LSM12: variants seen among roughly 807,000 people sequenced by gnomAD.
LSM12 encodes the protein protein LSM12.
For synonymous variants in LSM12, 74 were observed against 87.3 expected (o/e 0.85, Z 0.85); for missense variants, 108 against 238.9 (o/e 0.45, Z 3.61).
chr17:44,062,609 G>A (rs535107321), intron 2 of LSM12, among the ~76,000 whole-genome samples: 24 of 152,158 alleles, frequency 1.6e-4, no homozygotes, highest in South Asian at 6.2e-4. Flanking sequence ...ACTTAGGGCC[G>A]GGCATGGTGG....
chr17:44,050,908 G>A (rs1249293621), intron 2 of LSM12, among the ~76,000 whole-genome samples: 1 of 152,140 alleles, frequency 6.6e-6, no homozygotes, highest in African/African-American at 2.4e-5. Flanking sequence ...ATAGGCGGGT[G>A]GATACTTTGA....
In LSM12 at chr17:44,042,027, C is replaced by T. The variant is rs866881327; in HGVS notation, c.259-1771G>A. On this transcript the variant is annotated intron_variant, in intron 2 of 4. Transcript: ENST00000293406. Reference sequence around the variant, plus strand: ...ACTGGCTGGGCCCAGTGGCTCACGCCTATAATCCCAGTACTTTGTGAGGCC... The same window carrying T: ...ACTGGCTGGGCCCAGTGGCTCACGCTTATAATCCCAGTACTTTGTGAGGCC... Among the ~76,000 whole-genome samples the T allele has an allele frequency of 8.1e-4, 123 of 152,334 alleles. 1 individual carries two copies. The highest frequency in any genetic ancestry group is 6.8e-3 in the Middle Eastern group (2 of 294).
chr17:44,050,059 G>A (rs1358009205), intron 2 of LSM12, among the ~76,000 whole-genome samples: 1 of 152,194 alleles, frequency 6.6e-6, no homozygotes, highest in African/African-American at 2.4e-5. Flanking sequence ...TGTTCCCTAT[G>A]TTTTGAATCT....
intron 2 of LSM12, among the ~76,000 whole-genome samples, chr17:44,050,818 G>A (rs1403788455): frequency 2.0e-5 from 3 of 151,846 alleles, no homozygotes; most frequent in African/African-American, 7.3e-5. Flanking sequence ...ACCGCGCCCA[G>A]TGTGCCTGAA....
intron 1 of LSM12, 32 bp downstream of exon 1, chr17:44,066,432 C>T (rs1221786202): frequency 3.9e-6 from 6 of 1,545,164 alleles, no homozygotes; most frequent in Non-Finnish European, 5.2e-6. Flanking sequence ...TACACGCCGG[C>T]CCGGACTCGG....
intron 2 of LSM12, among the ~76,000 whole-genome samples, chr17:44,063,538 C>G (rs557075740): frequency 1.3e-5 from 2 of 152,276 alleles, no homozygotes; most frequent in East Asian, 3.9e-4. Context: ...TCATCATGAA[C>G]TCCAAGATTT....
rs530128696 is a variant in LSM12 at position 44,062,206 on chromosome 17, A to G, written c.258+1595T>C. 5.7e-5 allele frequency among the ~76,000 whole-genome samples: 8 copies of G among 139,852 alleles called. No individual in the cohort carries two copies. The South Asian group carries it at 2.0e-3, about 35-fold the overall frequency. The allele number at this position is 139,852 out of a possible 152,430, so 91.7% of individuals were successfully genotyped here. A position where few individuals can be genotyped will look rare whatever the true frequency, so the allele number is the denominator to read the frequency against. On this transcript the variant is annotated intron_variant, in intron 2 of 4. Coordinates refer to ENST00000293406, the MANE Select transcript of LSM12 (RefSeq NM_001371445.1). The stretch of plus-strand genomic sequence containing the variant: ...CACTGCACTCCAGCCTGGGCGACAA[A>G]GCGAGACTCCGTCTCAAAAAAAAAA...
At position 44,037,264 on chromosome 17, in the gene LSM12, A is replaced by T. The variant is rs533140200; in HGVS notation, c.495+148T>A. 5.4e-6 allele frequency: 5 copies of T among 929,842 alleles called. No individual in the cohort carries two copies. The Admixed American group carries it at 1.5e-4, about 28-fold the overall frequency. The allele number at this position is 929,842 out of a possible 1,614,324, so 57.6% of individuals were successfully genotyped here. ...CATTCCCACAGGACTGCAGAACCCC[A>T]CAGTACAGGGAAGGCAGGGAGGCCA... On this transcript the variant is annotated intron_variant, in intron 4 of 4. Coordinates refer to ENST00000293406, the MANE Select transcript of LSM12 (RefSeq NM_001371445.1).
intron 1 of LSM12, among the ~76,000 whole-genome samples, chr17:44,065,221 T>C (rs913002896): frequency 6.6e-6 from 1 of 150,704 alleles, no homozygotes; most frequent in African/African-American, 2.4e-5. Flanking sequence ...GATCACGAGG[T>C]CAGAAGTTCG....
chr17:44,041,334 A>AAAACAC (rs2049491263), intron 2 of LSM12, among the ~76,000 whole-genome samples: 1 of 104,546 alleles, frequency 9.6e-6, no homozygotes, highest in Non-Finnish European at 1.9e-5. Context: ...CACACACACA[A>AAAACAC]ACACACACAC....
chr17:44,043,133 G>C (rs1477778695), intron 2 of LSM12, among the ~76,000 whole-genome samples: 1 of 152,210 alleles, frequency 6.6e-6, no homozygotes, highest in South Asian at 2.1e-4. Flanking sequence ...GGGTATTCTT[G>C]TCCTTGCAAG....
intron 1 of LSM12, among the ~76,000 whole-genome samples, chr17:44,065,271 A>T (rs1276691779): frequency 2.1e-5 from 3 of 146,042 alleles, no homozygotes; most frequent in South Asian, 2.1e-4. Flanking sequence ...CATCTCTGTT[A>T]AAAAAAAACA....
chr17:44,047,150 T>C (rs1007715203), intron 2 of LSM12, among the ~76,000 whole-genome samples: 3 of 152,222 alleles, frequency 2.0e-5, no homozygotes, highest in African/African-American at 7.2e-5. Flanking sequence ...TCACTTGTAC[T>C]TCCCTTTATG....
At chr17:44,054,423 C>T (rs2049684180) in intron 2 of LSM12, among the ~76,000 whole-genome samples, 1 of 152,100 alleles carries the variant, frequency 6.6e-6, no homozygotes, top group Admixed American at 6.6e-5. Context: ...AGTGATCCTC[C>T]CATCTCAGTC....
intron 3 of LSM12, among the ~76,000 whole-genome samples, chr17:44,038,370 A>G (rs928966765): frequency 1.2e-4 from 18 of 151,626 alleles, no homozygotes; most frequent in African/African-American, 2.4e-4. Flanking sequence ...AAAAAAAAAA[A>G]AAAGAAAGGC....
chr17:44,040,448 C>T (rs1367233035), intron 2 of LSM12, 192 bp from the exon 3 acceptor site: 4 of 512,100 alleles, frequency 7.8e-6, no homozygotes, highest in Admixed American at 3.2e-5. Flanking sequence ...TCCAAGAAAA[C>T]GTTCCTTCCT....
chr17:44,039,344 C>A (rs1011232552), intron 3 of LSM12, among the ~76,000 whole-genome samples: 1 of 148,376 alleles, frequency 6.7e-6, no homozygotes, highest in Non-Finnish European at 1.5e-5. Context: ...CGTGAGCCAC[C>A]GTGCCCGACC....
intron 2 of LSM12, among the ~76,000 whole-genome samples, chr17:44,041,000 CA>C (rs938840615): frequency 1.3e-5 from 2 of 148,344 alleles, no homozygotes; most frequent in South Asian, 2.1e-4. Context: ...CAAAACCAAA[CA>C]AAAAAAAATA....
intron 1 of LSM12, among the ~76,000 whole-genome samples, chr17:44,064,234 C>T (rs1355625803): frequency 6.8e-6 from 1 of 145,990 alleles, no homozygotes; most frequent in Non-Finnish European, 1.5e-5. Context: ...AGAGCTAGAC[C>T]TTTCTGTTCT....
Sources: allele counts gnomAD v4.1 joint callset (sites outside exome capture counted in the v4.1 genomes callset), GRCh38; gene constraint gnomAD v4.1.1; transcripts MANE v1.5; gene names NCBI Gene and HGNC (gene_info 2026-07-23, HGNC 2026-07-21).